The following SORBS3 variants were observed in gnomAD, a reference collection of about 807,000 sequenced individuals.
SORBS3 encodes the protein vinexin.
SORBS3 carries 69 observed loss-of-function variants against 98.0 expected under a neutral mutation model. The observed-to-expected ratio is 0.70, with a 90% confidence interval of 0.58 to 0.86. The LOEUF (loss-of-function observed/expected upper bound fraction) is 0.86. Among genes scored for constraint, SORBS3 ranks in the 40% least tolerant of loss-of-function variants. The pLI is 0.00. For missense variants in SORBS3, 954 were observed against 908.5 expected, an observed-to-expected ratio of 1.05 and a Z score of -0.64; for synonymous variants, 394 against 355.4, an observed-to-expected ratio of 1.11 and a Z score of -1.22.
In SORBS3 at chr8:22,566,387, C is replaced by T. The variant is rs1307854819; in HGVS notation, c.993C>T (p.Tyr331=). The change falls in exon 13 of 21, where the codon TAC becomes TAT. Residue 331 remains tyrosine, a synonymous_variant. Transcript: ENST00000240123. ...AWSSSYPHAP[Y]LGSARSLSPH... ...GCTCCAGCTACCCACATGCACCTTA[C>T]CTGGGTTCCGCCCGGTCCCTGAGTC... The T allele has an allele frequency of 1.2e-6, 2 of 1,613,952 alleles. No homozygotes were observed. The highest frequency in any genetic ancestry group is 1.7e-6 in the Non-Finnish European group (2 of 1,179,994).
intron 19 of SORBS3, 88 bp downstream of exon 19, chr8:22,571,909 C>A: frequency 1.0e-6 from 1 of 973,590 alleles, no homozygotes; most frequent in Non-Finnish European, 1.6e-6. Context: ...CAAGTCCCCA[C>A]CTGTGGATTT....
Position 22,567,080 on chromosome 8 carries a change from G to T in SORBS3, c.1210G>T (p.Gly404Cys), listed in dbSNP as rs775643180. 16 of 1,613,268 alleles carry T rather than the reference G, an allele frequency of 9.9e-6. No individual in the cohort carries two copies. The highest frequency in any genetic ancestry group is 1.4e-5 in the Non-Finnish European group (16 of 1,179,574). ...CTGCAGGGAGCTGACTCTGCAGAAG[G>T]GTGACATTGTCTACATCCACAAGGA... ...QSPKELTLQK[G>C]DIVYIHKEVD... Residue 404 changes from glycine to cysteine, a missense_variant, in exon 16 of 21, where the codon GGT (glycine) becomes TGT (cysteine). Transcript: ENST00000240123.
Position 22,569,004 on chromosome 8 carries a change from T to A in SORBS3, c.1306-144T>A, listed in dbSNP as rs375287331. On this transcript the variant is annotated intron_variant, in intron 16 of 20. Transcript: ENST00000240123. ...CCCTTTGGCTGTGCCCACCCGTGGC[T>A]GCCCCCAGGGCTTGTGTCTGGTGTT... 2.4e-5 allele frequency: 19 copies of A among 785,086 alleles called. No homozygotes were observed. In the East Asian group the frequency reaches 4.2e-4, roughly 17 times the overall value. The allele number at this position is 785,086 out of a possible 1,614,324, so 48.6% of individuals were successfully genotyped here. A position where few individuals can be genotyped will look rare whatever the true frequency, so the allele number is the denominator to read the frequency against.
At position 22,556,727 on chromosome 8, in the gene SORBS3, A is replaced by G. The variant is rs777012170; in HGVS notation, c.233A>G (p.Tyr78Cys). Residue 78 changes from tyrosine (Y) to cysteine (C), a missense_variant, in exon 4 of 21, where the codon TAT becomes TGT. Transcript: ENST00000240123. Reference protein sequence around the residue: ...DASQHPDPAWYQTWPGPGSKP... With the variant: ...DASQHPDPAWCQTWPGPGSKP... ...ACGCACCCAACAGACCCTGCGTGGT[A>G]TCAGACCTGGCCAGGCCCTGGGAGC... 1.2e-6 allele frequency: 2 copies of G among 1,613,734 alleles called. No homozygotes were observed. Among genetic ancestry groups the G allele is most frequent in the South Asian group, 2.2e-5 (2 of 91,078 alleles).
upstream of SORBS3, among the ~76,000 whole-genome samples, chr8:22,549,191 T>A (rs1047776448): frequency 1.7e-4 from 26 of 151,964 alleles, no homozygotes; most frequent in Non-Finnish European, 3.5e-4. Context: ...GTGCCAGAGG[T>A]GGGGAAGCCG....
intron 18 of SORBS3, 174 bp from the exon 19 acceptor site, chr8:22,571,544 A>G (rs1004025251): frequency 4.9e-6 from 3 of 615,162 alleles, no homozygotes; most frequent in East Asian, 2.8e-5. Flanking sequence ...TGTGAAATGA[A>G]ATAGTCACAG....
intron 1 of SORBS3, 22 bp downstream of exon 1, chr8:22,552,044 C>T: frequency 1.0e-6 from 1 of 985,264 alleles, no homozygotes; most frequent in African/African-American, 1.7e-5. Context: ...CAAGGAGGGG[C>T]GGGGAGTAGG....
Position 22,570,966 on chromosome 8 carries a change from C to T in SORBS3, c.1488C>T (p.Ile496=), listed in dbSNP as rs1840562216. The part of the protein sequence containing the change: ...KVNENWYEGR[I]TGTGRQGIFP... The stretch of plus-strand genomic sequence containing the variant: ...ACGAGAACTGGTACGAGGGACGCAT[C>T]ACGGGCACGGGGCGCCAAGGCATAT... The change falls in exon 18 of 21, where the codon ATC becomes ATT. Residue 496 remains isoleucine (I), a synonymous_variant. Transcript: ENST00000240123. The T allele has an allele frequency of 1.2e-6, 2 of 1,613,326 alleles. No homozygotes were observed. The highest frequency in any genetic ancestry group is 1.7e-6 in the Non-Finnish European group (2 of 1,179,606).
chr8:22,572,750 G>A (rs1840623089), intron 20 of SORBS3, among the ~76,000 whole-genome samples: 1 of 152,212 alleles, frequency 6.6e-6, no homozygotes, highest in Non-Finnish European at 1.5e-5. Context: ...TCTTCCTCCT[G>A]CACACCCCTG....
At chr8:22,570,864 C>T in intron 17 of SORBS3, 46 bp from the exon 18 acceptor site, 1 of 1,538,126 alleles carries the variant, frequency 6.5e-7, no homozygotes, top group Non-Finnish European at 8.8e-7. Context: ...CCCGTGGGTC[C>T]ATGGCACCAG....
intron 5 of SORBS3, chr8:22,560,935 T>G: frequency 5.6e-6 from 1 of 178,458 alleles, no homozygotes; most frequent in Non-Finnish European, 1.2e-5. Context: ...GCCCCAGAAA[T>G]TCCCAGGCAC....
chr8:22,556,505 G>C (rs559267017), intron 3 of SORBS3, among the ~76,000 whole-genome samples: 1 of 152,318 alleles, frequency 6.6e-6, no homozygotes, highest in Admixed American at 6.5e-5. Context: ...GATGGGGGTA[G>C]GGCCAGGCAC....
chr8:22,558,285 T>A, intron 5 of SORBS3, 93 bp downstream of exon 5: 2 of 1,187,350 alleles, frequency 1.7e-6, no homozygotes, highest in East Asian at 4.7e-5. Context: ...ACTTAGCTGC[T>A]CAAGGGGTTC....
intron 20 of SORBS3, 87 bp downstream of exon 20, chr8:22,572,533 G>A: frequency 9.2e-7 from 1 of 1,082,752 alleles, no homozygotes; most frequent in Non-Finnish European, 1.4e-6. Context: ...CTTCAGCAAA[G>A]ATTCATGGCC....
chr8:22,574,177 C>A (rs562894282), intron 20 of SORBS3, among the ~76,000 whole-genome samples: 7 of 152,178 alleles, frequency 4.6e-5, no homozygotes, highest in Admixed American at 1.3e-4. Flanking sequence ...GGGTTCCCCC[C>A]CCTCCTCCTC....
rs202048067 is a variant in SORBS3, at chr8:22,566,633, C to T, written c.1091-28C>T. On this transcript the variant is annotated intron_variant, in intron 13 of 20. Coordinates refer to ENST00000240123, the MANE Select transcript of SORBS3 (RefSeq NM_005775.5). ...AACCCCATCCCCCAGGTATGGCCTC[C>T]CCAAGCTGAGGTTGTGCTTCTCCAC... The T allele has an allele frequency of 3.0e-5, 47 of 1,592,200 alleles. No homozygotes were observed. The East Asian group carries it at 1.0e-3, about 35-fold the overall frequency.
chr8:22,552,701 GGCGGCAGCTGCTGAGC>G (rs1289666434), intron 1 of SORBS3, among the ~76,000 whole-genome samples: 6 of 152,348 alleles, frequency 3.9e-5, no homozygotes, highest in African/African-American at 1.4e-4. Context: ...TGATGGCCCA[GGCGGCAGCTGCTGAGC>G]TGCAATTTGG....
chr8:22,561,411 G>A, intron 6 of SORBS3, 38 bp downstream of exon 6: 1 of 1,611,864 alleles, frequency 6.2e-7, no homozygotes, highest in Non-Finnish European at 8.5e-7. Context: ...CCATAGCCCT[G>A]CGCCTGCGTC....
intron 13 of SORBS3, 62 bp downstream of exon 13, chr8:22,566,546 C>T (rs576542509): frequency 5.0e-6 from 8 of 1,592,024 alleles, no homozygotes; most frequent in Non-Finnish European, 6.9e-6. Flanking sequence ...ATGTTGGTGC[C>T]CCAGGGGTGG....
Sources: allele counts gnomAD v4.1 joint callset (sites outside exome capture counted in the v4.1 genomes callset), GRCh38; gene constraint gnomAD v4.1.1; transcripts MANE v1.5; gene names NCBI Gene and HGNC (gene_info 2026-07-23, HGNC 2026-07-21).